The following MCC variants were observed in gnomAD, a reference collection of about 807,000 sequenced individuals.
The protein encoded by MCC is colorectal mutant cancer protein.
In MCC, 90 loss-of-function variants were observed where a neutral mutation model predicts 116.2. The observed-to-expected ratio is 0.77, with a 90% CI of 0.65 to 0.92. The LOEUF is 0.92. Ranked by LOEUF, MCC falls within the 40% of genes least tolerant of loss-of-function variation. The pLI is 0.00. For synonymous variants in MCC, 578 were observed against 510.5 expected (o/e 1.13, Z -1.78); for missense variants, 1,516 against 1,312.2 (o/e 1.16, Z -2.40).
chr5:113,033,079 T>G (rs180796099), intron 17 of MCC, among the ~76,000 whole-genome samples: 1 of 152,256 alleles, frequency 6.6e-6, no homozygotes, highest in Non-Finnish European at 1.5e-5. Context: ...CATTTTACTC[T>G]GTGGGCTTGC....
chr5:113,178,285 C>T (rs1268662681), intron 3 of MCC, among the ~76,000 whole-genome samples: 1 of 152,198 alleles, frequency 6.6e-6, no homozygotes, highest in Non-Finnish European at 1.5e-5. Context: ...TGGACCATCT[C>T]AGTAGCTCTG....
chr5:113,044,539 G>C, intron 16 of MCC: 1 of 934,992 alleles, frequency 1.1e-6, no homozygotes, highest in Non-Finnish European at 1.3e-6. Flanking sequence ...TAAAAAGCTT[G>C]TGATCTGTTG....
intron 3 of MCC, among the ~76,000 whole-genome samples, chr5:113,253,162 A>AACC: frequency 6.6e-6 from 1 of 152,324 alleles, no homozygotes; most frequent in Middle Eastern, 3.4e-3. Flanking sequence ...CTGAGAAGTA[A>AACC]ACCACAGCAG....
chr5:113,367,877 A>T (rs1163383615), intron 2 of MCC, among the ~76,000 whole-genome samples: 1 of 152,154 alleles, frequency 6.6e-6, no homozygotes, highest in African/African-American at 2.4e-5. Context: ...ATTGTCCAAC[A>T]TTCCTTACTG....
chr5:113,443,335 G>A (rs1347507591), intron 1 of MCC, among the ~76,000 whole-genome samples: 1 of 151,962 alleles, frequency 6.6e-6, no homozygotes, highest in Non-Finnish European at 1.5e-5. Context: ...CGCGATTTTT[G>A]TACACTGATT....
Position 113,052,122 on chromosome 5 carries a change from T to A in MCC, c.2448+1603A>T, listed in dbSNP as rs551529427. Among the ~76,000 whole-genome samples the A allele has an allele frequency of 2.5e-4, 28 of 114,092 alleles. No individual in the cohort carries two copies. The East Asian group carries it at 6.9e-3, about 28-fold the overall frequency. 74.8% of individuals were successfully genotyped at this position (114,092 alleles called of 152,430 possible). On this transcript the variant is annotated intron_variant, in intron 15 of 18. Coordinates refer to ENST00000408903, the MANE Select transcript of MCC (RefSeq NM_001085377.2). ...TATTTTCAAGTGGCAAAGGGAGTAT[T>A]AGAACTTTTATTCCAACAAAAATGT...
At chr5:113,055,164 C>T (rs1263255548) in intron 14 of MCC, among the ~76,000 whole-genome samples, 3 of 152,184 alleles carry the variant, frequency 2.0e-5, no homozygotes, top group African/African-American at 7.2e-5. Context: ...AGTGGTCAGC[C>T]GAGTCATGCG....
chr5:113,182,217 C>T (rs1386710938), intron 3 of MCC, among the ~76,000 whole-genome samples: 2 of 152,208 alleles, frequency 1.3e-5, no homozygotes, highest in Non-Finnish European at 2.9e-5. Context: ...ACTGCATTTA[C>T]ACACATTATA....
intron 16 of MCC, 63 bp downstream of exon 16, chr5:113,049,023 CCAGTGGT>C: frequency 1.4e-6 from 2 of 1,455,056 alleles, no homozygotes; most frequent in Non-Finnish European, 1.9e-6. Context: ...TGAGGTGTGG[CCAGTGGT>C]CACTGGGCAG....
intron 3 of MCC, among the ~76,000 whole-genome samples, chr5:113,284,535 C>T (rs1766172430): frequency 6.6e-6 from 1 of 152,070 alleles, no homozygotes; most frequent in East Asian, 1.9e-4. Flanking sequence ...GAAGTTGAGG[C>T]AGAAGAGAAA....
intron 2 of MCC, among the ~76,000 whole-genome samples, chr5:113,381,418 T>C (rs1031514006): frequency 2.0e-5 from 3 of 152,172 alleles, no homozygotes; most frequent in Admixed American, 6.5e-5. Flanking sequence ...TTTAACCTGA[T>C]TCTGGAGATC....
At chr5:113,345,408 G>C (rs1464862968) in intron 2 of MCC, among the ~76,000 whole-genome samples, 1 of 152,210 alleles carries the variant, frequency 6.6e-6, no homozygotes, top group African/African-American at 2.4e-5. Context: ...CTAGGGCCTT[G>C]AGTGAACATA....
At chr5:113,204,986 G>C (rs1762849304) in intron 3 of MCC, among the ~76,000 whole-genome samples, 1 of 136,858 alleles carries the variant, frequency 7.3e-6, no homozygotes, top group Admixed American at 7.0e-5. Flanking sequence ...CTAATGCAGG[G>C]AGTTTGGGGC....
intron 1 of MCC, among the ~76,000 whole-genome samples, chr5:113,482,783 T>C (rs574784849): frequency 1.3e-5 from 2 of 152,320 alleles, no homozygotes; most frequent in African/African-American, 2.4e-5. Flanking sequence ...TTTTTTCTTT[T>C]GTAGCTTGTG....
At chr5:113,046,792 C>A (rs1171009989) in intron 16 of MCC, among the ~76,000 whole-genome samples, 1 of 151,238 alleles carries the variant, frequency 6.6e-6, no homozygotes, top group Non-Finnish European at 1.5e-5. Context: ...GATACAGTAC[C>A]GCATGGCTGA....
At chr5:113,345,767 G>A (rs1768119766) in intron 2 of MCC, among the ~76,000 whole-genome samples, 1 of 152,214 alleles carries the variant, frequency 6.6e-6, no homozygotes, top group South Asian at 2.1e-4. Context: ...GACAGGCACA[G>A]ACAAGCCCAG....
At chr5:113,056,593 G>A (rs188545451) in intron 14 of MCC, among the ~76,000 whole-genome samples, 2 of 152,288 alleles carry the variant, frequency 1.3e-5, no homozygotes, top group East Asian at 3.9e-4. Flanking sequence ...ATAGCAGAAG[G>A]GAGAGGATCG....
At chr5:113,299,603 G>A (rs1208225638) in intron 3 of MCC, among the ~76,000 whole-genome samples, 1 of 152,162 alleles carries the variant, frequency 6.6e-6, no homozygotes, top group Non-Finnish European at 1.5e-5. Context: ...GCCCCAAGTA[G>A]GTTTCAGGCT....
chr5:113,048,221 T>C (rs2150219240), intron 16 of MCC, among the ~76,000 whole-genome samples: 1 of 152,360 alleles, frequency 6.6e-6, no homozygotes, highest in African/African-American at 2.4e-5. Context: ...TAGCTCCCCC[T>C]TAACTGCAGT....
Sources: gnomAD v4.1 joint callset for allele counts (sites outside exome capture counted in the v4.1 genomes callset) on GRCh38, gnomAD v4.1.1 for gene constraint, MANE v1.5 for transcripts, NCBI Gene and HGNC (gene_info 2026-07-23, HGNC 2026-07-21) for gene names.